SLC44A1: variants seen among roughly 807,000 people sequenced by gnomAD.
SLC44A1 encodes the protein solute carrier family 44 member 1.
A neutral mutation model predicts 79.3 loss-of-function variants in SLC44A1; 26 were observed. The ratio of observed to expected loss-of-function variants is 0.33; its 90% CI spans 0.24 to 0.46. The LOEUF is 0.46. Among genes scored for constraint, SLC44A1 ranks in the 20% least tolerant of loss-of-function variants. The probability of loss-of-function intolerance (pLI) is 1.00; values close to 1 mark genes in which losing one functional copy is unlikely to be tolerated. For missense variants in SLC44A1, 688 were observed against 798.1 expected (o/e 0.86, Z 1.66); for synonymous variants, 263 against 286.2 (o/e 0.92, Z 0.82).
At chr9:105,275,308 G>A (rs1830174013) in intron 1 of SLC44A1, among the ~76,000 whole-genome samples, 2 of 152,150 alleles carry the variant, frequency 1.3e-5, no homozygotes, top group South Asian at 4.1e-4. Context: ...CAGCATCAGG[G>A]ATTGTAAACA....
chr9:105,303,579 G>A (rs927069262), intron 2 of SLC44A1, among the ~76,000 whole-genome samples: 4 of 152,156 alleles, frequency 2.6e-5, no homozygotes, highest in African/African-American at 9.7e-5. Flanking sequence ...GCTCAAGGAC[G>A]TATACATTGT....
chr9:105,424,378 TG>T (rs1393721687), intron 15 of SLC44A1, among the ~76,000 whole-genome samples: 19 of 152,238 alleles, frequency 1.2e-4, no homozygotes, highest in African/African-American at 2.2e-4. Flanking sequence ...AGCTTGCCCT[TG>T]TGGGCTCAGG....
chr9:105,384,471 A>G (rs996933417), intron 14 of SLC44A1, among the ~76,000 whole-genome samples: 6 of 151,984 alleles, frequency 3.9e-5, no homozygotes, highest in Non-Finnish European at 8.8e-5. Context: ...GTGAGCCTCC[A>G]TGCCCAGCCT....
At chr9:105,256,830 C>A (rs1488298973) in intron 1 of SLC44A1, among the ~76,000 whole-genome samples, 1 of 148,392 alleles carries the variant, frequency 6.7e-6, no homozygotes. Flanking sequence ...CTGTGTCACC[C>A]AGGCTGAAGT....
chr9:105,379,900 G>A (rs1828409411), intron 13 of SLC44A1, among the ~76,000 whole-genome samples: 2 of 152,014 alleles, frequency 1.3e-5, no homozygotes, highest in African/African-American at 4.8e-5. Flanking sequence ...TCTTCTAGTT[G>A]ACAATTTATT....
intron 13 of SLC44A1, among the ~76,000 whole-genome samples, chr9:105,377,134 C>T (rs1195510759): frequency 6.6e-6 from 1 of 152,108 alleles, no homozygotes; most frequent in African/African-American, 2.4e-5. Flanking sequence ...CAATTGTAAA[C>T]AATCTGATGC....
intron 1 of SLC44A1, among the ~76,000 whole-genome samples, chr9:105,275,876 C>T (rs1050235871): frequency 2.0e-5 from 3 of 151,668 alleles, no homozygotes; most frequent in African/African-American, 7.3e-5. Context: ...GCGATCTCAG[C>T]TCACTGCAAT....
intron 15 of SLC44A1, among the ~76,000 whole-genome samples, chr9:105,430,248 G>A (rs1829375500): frequency 6.6e-6 from 1 of 152,116 alleles, no homozygotes; most frequent in Non-Finnish European, 1.5e-5. Flanking sequence ...TTATTTCATA[G>A]TTATTTTCTT....
chr9:105,327,428 G>A (rs1039297723), intron 3 of SLC44A1, among the ~76,000 whole-genome samples: 1 of 151,966 alleles, frequency 6.6e-6, no homozygotes, highest in Admixed American at 6.6e-5. Flanking sequence ...GATTACAGGC[G>A]CACACCACCA....
chr9:105,365,370 T>C, intron 10 of SLC44A1, 113 bp from the exon 11 acceptor site: 1 of 730,228 alleles, frequency 1.4e-6, no homozygotes, highest in Admixed American at 2.9e-5. Flanking sequence ...AAAGCTAAAA[T>C]AAGAATGATG....
At chr9:105,254,961 G>C (rs908763479) in intron 1 of SLC44A1, among the ~76,000 whole-genome samples, 1 of 151,848 alleles carries the variant, frequency 6.6e-6, no homozygotes, top group Admixed American at 6.6e-5. Context: ...AAAACTGATA[G>C]TTTTTATTTT....
intron 5 of SLC44A1, among the ~76,000 whole-genome samples, chr9:105,354,371 A>C (rs1827555241): frequency 6.6e-6 from 1 of 152,164 alleles, no homozygotes; most frequent in African/African-American, 2.4e-5. Flanking sequence ...TTTGATTCTC[A>C]TAATATTTTT....
chr9:105,363,329 ATT>A (rs1827841081), intron 9 of SLC44A1, among the ~76,000 whole-genome samples: 1 of 151,648 alleles, frequency 6.6e-6, no homozygotes, highest in Non-Finnish European at 1.5e-5. Flanking sequence ...TGCCTGGCTA[ATT>A]TTTGTATTTT....
chr9:105,412,456 T>TA (rs1459754611), intron 15 of SLC44A1, among the ~76,000 whole-genome samples: 1 of 152,220 alleles, frequency 6.6e-6, no homozygotes, highest in Non-Finnish European at 1.5e-5. Context: ...TTCAACTCTG[T>TA]AATCAGCCAA....
intron 4 of SLC44A1, among the ~76,000 whole-genome samples, chr9:105,336,125 T>TGTGTGTGTGC (rs1826910964): frequency 6.9e-6 from 1 of 144,830 alleles, no homozygotes; most frequent in South Asian, 2.1e-4. Flanking sequence ...CATATGTGTG[T>TGTGTGTGTGC]GTGTGTGCAT....
intron 15 of SLC44A1, among the ~76,000 whole-genome samples, chr9:105,434,640 C>G (rs2131528491): frequency 6.6e-6 from 1 of 152,202 alleles, no homozygotes; most frequent in East Asian, 1.9e-4. Context: ...TCTGGGCTCC[C>G]AAGGGATCTG....
chr9:105,409,843 T>G (rs1263287111), intron 15 of SLC44A1, among the ~76,000 whole-genome samples: 1 of 152,188 alleles, frequency 6.6e-6, no homozygotes, highest in Non-Finnish European at 1.5e-5. Context: ...ATAGAAGACT[T>G]GAAGAGCATC....
Position 105,335,713 on chromosome 9 carries a change from C to G in SLC44A1, c.406+14C>G, listed in dbSNP as rs1367097038. ...CAGAGATAAATGGTGAGACATTAGG[C>G]CATCCAAATCTATGTCCTGTCACCT... On this transcript the variant is annotated intron_variant, in intron 4 of 15. Transcript: ENST00000374720. 2.5e-6 allele frequency: 4 copies of G among 1,608,062 alleles called. No homozygotes were observed. Among genetic ancestry groups the G allele is most frequent in the South Asian group, 2.2e-5 (2 of 89,702 alleles).
At chr9:105,378,004 TTG>T (rs1828347550) in intron 13 of SLC44A1, among the ~76,000 whole-genome samples, 1 of 152,110 alleles carries the variant, frequency 6.6e-6, no homozygotes, top group Non-Finnish European at 1.5e-5. Flanking sequence ...TCCCAACACT[TTG>T]GGAGGCTAAG....
Sources: gnomAD v4.1 joint callset for allele counts (sites outside exome capture counted in the v4.1 genomes callset) on GRCh38, gnomAD v4.1.1 for gene constraint, MANE v1.5 for transcripts, NCBI Gene and HGNC (gene_info 2026-07-23, HGNC 2026-07-21) for gene names.